Variants in FREM3 observed in about 807,000 individuals in gnomAD.
FREM3 encodes the protein FRAS1 related extracellular matrix 3, also known as FRAS1-related extracellular matrix protein 3.
Under a neutral mutation model 129.1 loss-of-function variants are expected in FREM3, and 105 were observed. That is an observed-to-expected ratio of 0.81 (90% CI 0.69 to 0.96). The LOEUF (loss-of-function observed/expected upper bound fraction) is 0.96. FREM3 is among the 40% of genes least tolerant of loss of function. The probability of loss-of-function intolerance (pLI) is 0.00; values close to 1 mark genes in which losing one functional copy is unlikely to be tolerated. For synonymous variants in FREM3, 1,014 were observed against 1,044.9 expected (o/e 0.97, Z 0.57); for missense variants, 2,593 against 2,666.3 (o/e 0.97, Z 0.61).
At chr4:143,636,502 T>TAA (rs1460076629) in intron 2 of FREM3, among the ~76,000 whole-genome samples, 1 of 152,000 alleles carries the variant, frequency 6.6e-6, no homozygotes, top group African/African-American at 2.4e-5. Context: ...AAGTGACTAT[T>TAA]AAAGTAATAA....
intron 2 of FREM3, among the ~76,000 whole-genome samples, chr4:143,643,543 G>A (rs1397913224): frequency 6.6e-6 from 1 of 152,058 alleles, no homozygotes; most frequent in Admixed American, 6.6e-5. Flanking sequence ...TTCATGTTAA[G>A]TGAAATAAAC....
In FREM3 at chr4:143,700,248, A is replaced by C; in HGVS notation, c.428T>G (p.Leu143Arg). 24 of 1,536,712 alleles carry C rather than the reference A, an allele frequency of 1.6e-5. No homozygotes were observed. The highest frequency in any genetic ancestry group is 2.1e-5 in the Non-Finnish European group (24 of 1,146,848). ...AGTGTGAGTCGGGGCGTCGTAGCGC[A>C]GCTGCAGCAGCACCCGGGCGCGTCC... The part of the protein sequence containing the change: ...SPGRARVLLQ[L>R]RYDAPTHTLV... Residue 143 changes from leucine (L) to arginine (R), a missense_variant, in exon 1 of 8, where the codon CTG becomes CGG. This residue lies in a region of FREM3 where 2,276 missense variants were observed against 2,267.2 expected (regional missense o/e 1.00). Coordinates refer to ENST00000329798, the MANE Select transcript of FREM3 (RefSeq NM_001168235.2).
chr4:143,603,623 G>T (rs1446513561), intron 6 of FREM3, among the ~76,000 whole-genome samples: 2 of 151,998 alleles, frequency 1.3e-5, no homozygotes, highest in Middle Eastern at 3.2e-3. Flanking sequence ...GAAATAATTT[G>T]TGTATTATCT....
chr4:143,632,861 G>A (rs1208589666), intron 2 of FREM3, among the ~76,000 whole-genome samples: 1 of 152,134 alleles, frequency 6.6e-6, no homozygotes, highest in Admixed American at 6.6e-5. Context: ...TTACGAATTT[G>A]TGTTGAACCA....
chr4:143,605,736 C>A (rs1738658131), intron 6 of FREM3, among the ~76,000 whole-genome samples: 1 of 152,152 alleles, frequency 6.6e-6, no homozygotes, highest in Non-Finnish European at 1.5e-5. Context: ...ACTATCAATT[C>A]AATTTCCTAC....
chr4:143,621,103 A>G lies in FREM3; in HGVS notation c.5713T>C (p.Leu1905=), dbSNP rs1235723878. ...YKIEEDIGEL[L]IPVRRSGDAS... ...TCTCCAGATCGTCTTACTGGAATCA[A>G]AAGTTCCCCAATGTCCTCTTCTATT... The change falls in exon 5 of 8, where the codon TTG becomes CTG. Residue 1905 remains leucine (L), a synonymous_variant. Transcript: ENST00000329798. 2 of 1,537,142 alleles carry G rather than the reference A, an allele frequency of 1.3e-6. No individual in the cohort carries two copies. Among genetic ancestry groups the G allele is most frequent in the Non-Finnish European group, 1.7e-6 (2 of 1,146,796 alleles).
In FREM3 at chr4:143,698,353, A is replaced by G. The variant is rs939324182; in HGVS notation, c.2323T>C (p.Phe775Leu). 4.6e-6 allele frequency: 7 copies of G among 1,537,812 alleles called. No homozygotes were observed. The African/African-American group carries it at 9.6e-5, about 21-fold the overall frequency. Residue 775 changes from phenylalanine (F) to leucine (L), a missense_variant, in exon 1 of 8, where the codon TTT (phenylalanine) becomes CTT (leucine). Phe to Leu is a conservative substitution (Grantham distance 22). Transcript: ENST00000329798. ...TDSPDTLIMH[F>L]TQAQVNQHKV... ...TGCTGATTTACCTGGGCTTGGGTAA[A>G]GTGCATGATGAGTGTGTCTGGTGAA... is the stretch of plus-strand genomic sequence containing the variant.
At chr4:143,662,378 T>C (rs1359256247) in intron 2 of FREM3, among the ~76,000 whole-genome samples, 1 of 152,250 alleles carries the variant, frequency 6.6e-6, no homozygotes, top group Non-Finnish European at 1.5e-5. Context: ...GTTGTTCAGT[T>C]TCCATGTAGT....
chr4:143,603,590 CT>C (rs1738614944), intron 6 of FREM3, among the ~76,000 whole-genome samples: 1 of 151,926 alleles, frequency 6.6e-6, no homozygotes, highest in South Asian at 2.1e-4. Flanking sequence ...AAAGGAACAA[CT>C]TAATGTAAAT....
In FREM3 at chr4:143,696,269, G is replaced by T; in HGVS notation, c.4407C>A (p.Ser1469Arg). The T allele has an allele frequency of 6.5e-7, 1 of 1,537,766 alleles. No individual in the cohort carries two copies. Among genetic ancestry groups the T allele is most frequent in the Non-Finnish European group, 8.7e-7 (1 of 1,147,034 alleles). Residue 1469 changes from serine (S) to arginine (R), a missense_variant, in exon 1 of 8, where the codon AGC becomes AGA. This residue lies in a region of FREM3 where 2,276 missense variants were observed against 2,267.2 expected (regional missense o/e 1.00). Coordinates refer to ENST00000329798, the MANE Select transcript of FREM3 (RefSeq NM_001168235.2). ...AGTCAGAACTTTCTAAGTGACCCAGGCTTGGAGCCCGTGTAATGCTAAAGT... is the reference window on the plus strand; with the variant it reads ...AGTCAGAACTTTCTAAGTGACCCAGTCTTGGAGCCCGTGTAATGCTAAAGT... ...EHHFSITRAP[S>R]LGHLESSDYA...
In FREM3 at chr4:143,585,737, C is replaced by G; in HGVS notation, c.6178+107G>C. The stretch of plus-strand genomic sequence containing the variant: ...TACGTGCTGAAGCCAGAGAAACTTT[C>G]ATTCAGAGTCCATCAACAAAGACTA... On this transcript the variant is annotated intron_variant, in intron 7 of 7. Transcript: ENST00000329798. The surrounding 1 kb of genome is among the most constrained non-coding windows in gnomAD (Gnocchi z 4.2). 8.7e-7 allele frequency: 1 copy of G among 1,147,394 alleles called. No individual in the cohort carries two copies. The highest frequency in any genetic ancestry group is 1.6e-5 in the African/African-American group (1 of 64,300). The allele number at this position is 1,147,394 out of a possible 1,614,324, so 71.1% of individuals were successfully genotyped here. A position where few individuals can be genotyped will look rare whatever the true frequency, so the allele number is the denominator to read the frequency against.
intron 2 of FREM3, among the ~76,000 whole-genome samples, chr4:143,667,386 T>C (rs1008611731): frequency 1.3e-5 from 2 of 152,320 alleles, no homozygotes; most frequent in Middle Eastern, 6.8e-3. Context: ...TGCTGGGCAG[T>C]GTTTATTAAA....
chr4:143,651,362 A>G (rs1012521489), intron 2 of FREM3, among the ~76,000 whole-genome samples: 29 of 152,248 alleles, frequency 1.9e-4, no homozygotes, highest in African/African-American at 5.5e-4. Flanking sequence ...TATGAATTCA[A>G]TAGGAACTCA....
chr4:143,674,689 G>A (rs968597263), intron 2 of FREM3, among the ~76,000 whole-genome samples: 2 of 152,118 alleles, frequency 1.3e-5, no homozygotes, highest in African/African-American at 4.8e-5. Flanking sequence ...ATAAAGGGAT[G>A]GAGGAAGATC....
At chr4:143,675,605 G>T (rs1485705036) in intron 2 of FREM3, among the ~76,000 whole-genome samples, 1 of 152,074 alleles carries the variant, frequency 6.6e-6, no homozygotes, top group Non-Finnish European at 1.5e-5. Context: ...TCCAGGAGCT[G>T]GTTTTTTGAA....
chr4:143,626,455 A>G lies in FREM3; in HGVS notation c.5422+1159T>C, dbSNP rs113786045. On this transcript the variant is annotated intron_variant, in intron 3 of 7. Coordinates refer to ENST00000329798, the MANE Select transcript of FREM3 (RefSeq NM_001168235.2). ...TCCAAAGGGTTCAGTTAGGGCAAAC[A>G]TTCAAATGGTTCTGAGCAGATGAAC... Among the ~76,000 whole-genome samples, 937 of 152,302 alleles carry G rather than the reference A, an allele frequency of 6.2e-3. 14 individuals carry two copies. Among genetic ancestry groups the G allele is most frequent in the African/African-American group, 0.022 (901 of 41,564 alleles).
chr4:143,606,687 GA>G (rs1427187243), intron 6 of FREM3, among the ~76,000 whole-genome samples: 1 of 152,070 alleles, frequency 6.6e-6, no homozygotes, highest in Non-Finnish European at 1.5e-5. Flanking sequence ...GGGCAAACTG[GA>G]CAAACCACTT....
chr4:143,669,802 A>G (rs1049506452), intron 2 of FREM3, among the ~76,000 whole-genome samples: 1 of 151,990 alleles, frequency 6.6e-6, no homozygotes, highest in Non-Finnish European at 1.5e-5. Context: ...ATATATATAT[A>G]TTTTTAAATT....
Position 143,698,358 on chromosome 4 carries a change from A to G in FREM3, c.2318T>C (p.Met773Thr), listed in dbSNP as rs1285482315. ...VLTDSPDTLI[M>T]HFTQAQVNQH... is the part of the protein sequence containing the mutation. ...ATTTACCTGGGCTTGGGTAAAGTGC[A>G]TGATGAGTGTGTCTGGTGAATCAGT... The change falls in exon 1 of 8, where the codon ATG becomes ACG. Residue 773 changes from methionine (M) to threonine (T), a missense_variant. Met to Thr is a moderately conservative substitution (Grantham distance 81). Around this residue, in one of 2 missense-constraint regions of FREM3, gnomAD observed 2,276 missense variants for 2,267.2 expected, o/e 1.00. Transcript: ENST00000329798. 5 of 1,537,960 alleles carry G rather than the reference A, an allele frequency of 3.3e-6. No individual in the cohort carries two copies. Among genetic ancestry groups the G allele is most frequent in the Admixed American group, 2.0e-5 (1 of 51,000 alleles).
Sources: allele counts gnomAD v4.1 joint callset (sites outside exome capture counted in the v4.1 genomes callset), GRCh38; gene constraint gnomAD v4.1.1; regional missense constraint gnomAD v4.1.1; non-coding constraint Gnocchi (gnomAD v3.1); transcripts MANE v1.5; gene names NCBI Gene and HGNC (gene_info 2026-07-23, HGNC 2026-07-21).